The following SH3BP4 variants were observed in gnomAD, a reference collection of about 807,000 sequenced individuals.
SH3BP4 encodes the protein SH3 domain-binding protein 4.
SH3BP4 carries 33 observed loss-of-function variants against 65.5 expected under a neutral mutation model. That is an observed-to-expected ratio of 0.50 (90% CI 0.38 to 0.67). The LOEUF is 0.67. Ranked by LOEUF, SH3BP4 falls within the 30% of genes least tolerant of loss-of-function variation. SH3BP4 has a pLI of 0.00. For synonymous variants in SH3BP4, 552 were observed against 545.5 expected, an observed-to-expected ratio of 1.01 and a Z score of -0.17; for missense variants, 1,134 against 1,261.4, an observed-to-expected ratio of 0.90 and a Z score of 1.53.
intron 1 of SH3BP4, among the ~76,000 whole-genome samples, chr2:234,975,954 C>A (rs1039816791): frequency 6.6e-6 from 1 of 152,226 alleles, no homozygotes; most frequent in African/African-American, 2.4e-5. Flanking sequence ...TAGTGGCTTC[C>A]CCACTTCTCT....
intron 3 of SH3BP4, among the ~76,000 whole-genome samples, chr2:235,037,441 A>G (rs1404380244): frequency 6.6e-6 from 1 of 152,150 alleles, no homozygotes; most frequent in Non-Finnish European, 1.5e-5. Context: ...TTCTCTTCCA[A>G]GGAGAGTGCT....
chr2:234,989,447 A>G (rs989402198), intron 1 of SH3BP4, among the ~76,000 whole-genome samples: 33 of 152,302 alleles, frequency 2.2e-4, no homozygotes, highest in African/African-American at 7.9e-4. Context: ...CACTCCTGGC[A>G]TGCAGCCATG....
chr2:234,965,018 G>A (rs967818981), intron 1 of SH3BP4, among the ~76,000 whole-genome samples: 16 of 152,084 alleles, frequency 1.1e-4, no homozygotes, highest in African/African-American at 3.6e-4. Flanking sequence ...ACCCACATGT[G>A]GTACTTCTCC....
chr2:235,048,497 A>AT (rs59151071), intron 4 of SH3BP4, among the ~76,000 whole-genome samples: 8,789 of 142,494 alleles, frequency 0.062, 269 homozygotes, highest in Admixed American at 0.084. Context: ...CACCCAGCTA[A>AT]TTTTTTTTTT....
At position 235,045,190 on chromosome 2, in the gene SH3BP4, C is replaced by T. The variant is rs1695811782; in HGVS notation, c.2478+1943C>T. Among the ~76,000 whole-genome samples the T allele has an allele frequency of 6.6e-6, 1 of 152,160 alleles. No individual in the cohort carries two copies. Among genetic ancestry groups the T allele is most frequent in the Admixed American group, 6.5e-5 (1 of 15,284 alleles). ...CCTCCATCCCGTGAGAGCCTCTGTGCGGGCGGCCCCGAGACCACAGCCGTG... is the reference window on the plus strand; with the variant it reads ...CCTCCATCCCGTGAGAGCCTCTGTGTGGGCGGCCCCGAGACCACAGCCGTG... On this transcript the variant is annotated intron_variant, in intron 4 of 5. Transcript: ENST00000392011. The surrounding 1 kb of genome is among the most constrained non-coding windows in gnomAD (Gnocchi z 4.3).
rs79043576 is a variant in SH3BP4 at position 235,028,561 on chromosome 2, C to T, written c.-132-6310C>T. Among the ~76,000 whole-genome samples, 411 of 152,308 alleles carry T rather than the reference C, an allele frequency of 2.7e-3. 3 individuals carry two copies. The highest frequency in any genetic ancestry group is 9.7e-3 in the African/African-American group (405 of 41,574). On this transcript the variant is annotated intron_variant, in intron 2 of 5. Transcript: ENST00000392011. ...CAGTCATCTTTGTTGAAACCGAATT[C>T]GTTCATTCATTCGGGTTTGAGAGCC...
At position 235,052,120 on chromosome 2, in the gene SH3BP4, C is replaced by T. The variant is rs1696074099; in HGVS notation, c.2479-442C>T. On this transcript the variant is annotated intron_variant, in intron 4 of 5. Transcript: ENST00000392011. This position sits in a 1 kb window ranked among gnomAD's most constrained non-coding sequence, Gnocchi z 5.0. ...CCTCTCCTAAGCCCCACTGGCTCAA[C>T]CCTCCTTCTTTTCCTTGGCTTGTTG... Among the ~76,000 whole-genome samples the T allele has an allele frequency of 2.6e-5, 4 of 152,144 alleles. No homozygotes were observed. The highest frequency in any genetic ancestry group is 6.5e-5 in the Admixed American group (1 of 15,276).
intron 1 of SH3BP4, among the ~76,000 whole-genome samples, chr2:234,963,430 A>G (rs528410752): frequency 5.3e-4 from 81 of 152,356 alleles, no homozygotes; most frequent in African/African-American, 1.9e-3. Flanking sequence ...TCTGTTGTAT[A>G]AAACTTGGTG....
At chr2:235,008,891 G>A (rs1348938565) in intron 2 of SH3BP4, among the ~76,000 whole-genome samples, 1 of 152,188 alleles carries the variant, frequency 6.6e-6, no homozygotes, top group Non-Finnish European at 1.5e-5. Context: ...GCTGCTGCCT[G>A]CCTGTTTTTG....
Position 235,033,263 on chromosome 2 carries a change from G to T in SH3BP4, c.-132-1608G>T, listed in dbSNP as rs1473450911. ...AGGCTCTGGCCAACTCTGTTCCTAG[G>T]AGGGCCCTCTTCCTGGCTTCATGTG... On this transcript the variant is annotated intron_variant, in intron 2 of 5. Transcript: ENST00000392011. This position sits in a 1 kb window ranked among gnomAD's most constrained non-coding sequence, Gnocchi z 5.7. Among the ~76,000 whole-genome samples, 1 of 152,172 alleles carries T rather than the reference G, an allele frequency of 6.6e-6. No individual in the cohort carries two copies. Among genetic ancestry groups the T allele is most frequent in the Admixed American group, 6.5e-5 (1 of 15,292 alleles).
In SH3BP4 at chr2:235,041,687, C is replaced by T. The variant is rs1340837732; in HGVS notation, c.918C>T (p.Ser306=). The change falls in exon 4 of 6, where the codon AGC becomes AGT. Residue 306 remains serine (S), a synonymous_variant. Coordinates refer to ENST00000392011, the MANE Select transcript of SH3BP4 (RefSeq NM_014521.3). The surrounding 1 kb of genome is among the most constrained non-coding windows in gnomAD (Gnocchi z 6.0). The part of the protein sequence containing the change: ...SCHDLDLLGQ[S]PGWGQTQAVE... The stretch of plus-strand genomic sequence containing the variant: ...ACGACCTGGACTTGCTTGGCCAAAG[C>T]CCTGGTTGGGGCCAGACCCAAGCCG... 1.1e-5 allele frequency: 17 copies of T among 1,613,074 alleles called. No homozygotes were observed. Among genetic ancestry groups the T allele is most frequent in the African/African-American group, 1.3e-5 (1 of 74,934 alleles).
intron 5 of SH3BP4, 75 bp from the exon 6 acceptor site, chr2:235,053,517 G>A: frequency 8.7e-7 from 1 of 1,145,550 alleles, no homozygotes; most frequent in Non-Finnish European, 1.3e-6. Context: ...CCAAGTAATA[G>A]GAACAAATCT....
rs1693228429 is a variant in SH3BP4 at position 234,978,111 on chromosome 2, A to G, written c.-206-17192A>G. On this transcript the variant is annotated intron_variant, in intron 1 of 5. Coordinates refer to ENST00000392011, the MANE Select transcript of SH3BP4 (RefSeq NM_014521.3). This position sits in a 1 kb window ranked among gnomAD's most constrained non-coding sequence, Gnocchi z 4.1. The stretch of plus-strand genomic sequence containing the variant: ...GCTGGGATTACAGGCATGCGCCACC[A>G]TGCCGGCTAATTTTTGTATTTTTTA... Among the ~76,000 whole-genome samples, 1 of 151,950 alleles carries G rather than the reference A, an allele frequency of 6.6e-6. No individual in the cohort carries two copies. Among genetic ancestry groups the G allele is most frequent in the Admixed American group, 6.6e-5 (1 of 15,246 alleles).
At position 235,042,694 on chromosome 2, in the gene SH3BP4, C is replaced by A. The variant is rs751067728; in HGVS notation, c.1925C>A (p.Thr642Asn). The change falls in exon 4 of 6, where the codon ACT (threonine) becomes AAT (asparagine). Residue 642 changes from threonine to asparagine, a missense_variant. By Grantham distance (65) the Thr-to-Asn change is moderately conservative. Coordinates refer to ENST00000392011, the MANE Select transcript of SH3BP4 (RefSeq NM_014521.3). This position sits in a 1 kb window ranked among gnomAD's most constrained non-coding sequence, Gnocchi z 7.3. ...ATCATCCTGTCCCCGTTTGCCACCA[C>A]TACAAAGTACCCGACTTTCCAGGAC... Reference protein sequence around the residue: ...GKIILSPFATTTKYPTFQDRP... With the variant: ...GKIILSPFATNTKYPTFQDRP... The A allele has an allele frequency of 1.9e-6, 3 of 1,614,214 alleles. No homozygotes were observed. The highest frequency in any genetic ancestry group is 2.5e-6 in the Non-Finnish European group (3 of 1,180,052).
intron 1 of SH3BP4, among the ~76,000 whole-genome samples, chr2:234,957,661 T>A (rs753821135): frequency 2.0e-5 from 3 of 152,010 alleles, no homozygotes; most frequent in Non-Finnish European, 4.4e-5. Context: ...CATCCCCAGT[T>A]GAATCAGAAT....
rs146049108 is a variant in SH3BP4, at chr2:235,036,740, A to AAAAAATAATAATAAT, written c.118+1622_118+1623insAAATAATAATAATAA. Among the ~76,000 whole-genome samples the AAAAAATAATAATAAT allele has an allele frequency of 4.9e-4, 69 of 141,770 alleles. 1 individual carries two copies. Among genetic ancestry groups the AAAAAATAATAATAAT allele is most frequent in the East Asian group, 8.4e-4 (4 of 4,760 alleles). 93.0% of individuals were successfully genotyped at this position (141,770 alleles called of 152,430 possible). ...ACTGCACTCTGAGACTCTATATAAA[A>AAAAAATAATAATAAT]AATAATAATAATAATAATGACAGTG... On this transcript the variant is annotated intron_variant, in intron 3 of 5. Transcript: ENST00000392011.
At position 235,036,290 on chromosome 2, in the gene SH3BP4, G is replaced by A. The variant is rs142508396; in HGVS notation, c.118+1170G>A. On this transcript the variant is annotated intron_variant, in intron 3 of 5. Coordinates refer to ENST00000392011, the MANE Select transcript of SH3BP4 (RefSeq NM_014521.3). ...AAGAGAGCAACAGTGATTGGGTGTTGCCATAAATAACTGAAGCATTTATTT... is the reference window on the plus strand; with the variant it reads ...AAGAGAGCAACAGTGATTGGGTGTTACCATAAATAACTGAAGCATTTATTT... Among the ~76,000 whole-genome samples the A allele has an allele frequency of 4.9e-3, 752 of 152,320 alleles. 12 individuals carry two copies. Among genetic ancestry groups the A allele is most frequent in the African/African-American group, 0.017 (720 of 41,572 alleles).
rs1376044817 is a variant in SH3BP4, at chr2:234,952,858, C to A, written c.-207+688C>A. ...CGCGTTGTTCTCTGAGCGATGTTTA[C>A]CGAGAAGCCCGCTCCGCGGCACGGG... On this transcript the variant is annotated intron_variant, in intron 1 of 5. Coordinates refer to ENST00000392011, the MANE Select transcript of SH3BP4 (RefSeq NM_014521.3). This position sits in a 1 kb window ranked among gnomAD's most constrained non-coding sequence, Gnocchi z 6.5. 6.6e-6 allele frequency: 1 copy of A among 152,188 alleles called. No individual in the cohort carries two copies. The allele number at this position is 152,188 out of a possible 1,614,324, so 9.4% of individuals were successfully genotyped here.
chr2:234,962,629 T>C (rs1692741142), intron 1 of SH3BP4, among the ~76,000 whole-genome samples: 1 of 152,336 alleles, frequency 6.6e-6, no homozygotes, highest in South Asian at 2.1e-4. Flanking sequence ...GTCTTTCAGA[T>C]ATTTTCGCTT....
Sources: gnomAD v4.1 joint callset for allele counts (sites outside exome capture counted in the v4.1 genomes callset) on GRCh38, gnomAD v4.1.1 for gene constraint, Gnocchi (gnomAD v3.1) non-coding constraint, MANE v1.5 for transcripts, NCBI Gene and HGNC (gene_info 2026-07-23, HGNC 2026-07-21) for gene names.